Variants in HIRA observed in about 807,000 individuals in gnomAD.
HIRA encodes the protein protein HIRA.
Under a neutral mutation model 126.6 loss-of-function variants are expected in HIRA, and 13 were observed. The observed-to-expected ratio is 0.10, with a 90% CI of 0.07 to 0.16. The LOEUF is 0.16. HIRA is among the 10% of genes least tolerant of loss of function. HIRA has a pLI of 1.00. For synonymous variants in HIRA, 511 were observed against 520.0 expected (o/e 0.98, Z 0.24); for missense variants, 834 against 1,314.4 (o/e 0.63, Z 5.65).
chr22:19,429,704 T>C (rs572314764), intron 1 of HIRA, among the ~76,000 whole-genome samples: 8 of 152,338 alleles, frequency 5.3e-5, no homozygotes, highest in African/African-American at 1.9e-4. Flanking sequence ...GCATCTTGAC[T>C]TACTTATGTT....
intron 1 of HIRA, among the ~76,000 whole-genome samples, chr22:19,411,961 C>T (rs1489227690): frequency 6.6e-6 from 1 of 152,200 alleles, no homozygotes; most frequent in Non-Finnish European, 1.5e-5. Flanking sequence ...CTGTGGAGAG[C>T]CGCAGCCATG....
intron 9 of HIRA, among the ~76,000 whole-genome samples, chr22:19,389,656 T>C (rs1374591477): frequency 6.6e-6 from 1 of 152,088 alleles, no homozygotes; most frequent in Admixed American, 6.5e-5. Context: ...TAAATGTGCC[T>C]ACAGACCCCT....
chr22:19,419,449 T>C (rs1020255502), intron 1 of HIRA, among the ~76,000 whole-genome samples: 3 of 152,218 alleles, frequency 2.0e-5, no homozygotes, highest in Admixed American at 1.3e-4. Flanking sequence ...CTTTGCTCAA[T>C]GTCACCCTCA....
intron 15 of HIRA, among the ~76,000 whole-genome samples, chr22:19,375,093 G>A (rs2089005187): frequency 6.6e-6 from 1 of 152,204 alleles, no homozygotes; most frequent in Non-Finnish European, 1.5e-5. Flanking sequence ...TACAACCTGC[G>A]TGATGTCACA....
At chr22:19,420,447 C>CA (rs991071002) in intron 1 of HIRA, among the ~76,000 whole-genome samples, 7 of 18,812 alleles carry the variant, frequency 3.7e-4, no homozygotes, top group African/African-American at 2.5e-3. Flanking sequence ...GCCTGGGCAA[C>CA]AAAAAAAACT....
At chr22:19,425,661 T>C (rs1343158222) in intron 1 of HIRA, among the ~76,000 whole-genome samples, 2 of 152,186 alleles carry the variant, frequency 1.3e-5, no homozygotes, top group Non-Finnish European at 2.9e-5. Context: ...CCTTCATCCA[T>C]ATTCTTTCTG....
At chr22:19,352,831 T>C (rs1460985991) in intron 23 of HIRA, among the ~76,000 whole-genome samples, 1 of 152,004 alleles carries the variant, frequency 6.6e-6, no homozygotes, top group Non-Finnish European at 1.5e-5. Context: ...GCTATTGGAG[T>C]CACTGTGAGG....
intron 24 of HIRA, among the ~76,000 whole-genome samples, chr22:19,347,947 C>G (rs1306652440): frequency 6.6e-6 from 1 of 152,004 alleles, no homozygotes; most frequent in Non-Finnish European, 1.5e-5. Context: ...TCAAAATAAA[C>G]AAACAAAACA....
At chr22:19,413,353 C>T (rs954236747) in intron 1 of HIRA, among the ~76,000 whole-genome samples, 3 of 152,086 alleles carry the variant, frequency 2.0e-5, no homozygotes, top group African/African-American at 7.2e-5. Context: ...GAATCTTTAG[C>T]CCTGCCACTT....
At position 19,345,982 on chromosome 22, in the gene HIRA, AC is replaced by A. The variant is rs565594377; in HGVS notation, c.2937+5375del. Among the ~76,000 whole-genome samples the A allele has an allele frequency of 3.9e-5, 6 of 152,350 alleles. No homozygotes were observed. The East Asian group carries it at 1.2e-3, about 29-fold the overall frequency. On this transcript the variant is annotated intron_variant, in intron 24 of 24. Transcript: ENST00000263208. ...AGTATATAAAGAGCTCCTATAATAT[AC>A]ATAGAGTTCCTACAAACCATTGAGA...
rs114837803 is a variant in HIRA at position 19,369,592 on chromosome 22, C to T, written c.1775+6039G>A. 3.5e-3 allele frequency among the ~76,000 whole-genome samples: 532 copies of T among 152,196 alleles called. 3 individuals are homozygous for T. Among genetic ancestry groups the T allele is most frequent in the African/African-American group, 0.012 (517 of 41,524 alleles). On this transcript the variant is annotated intron_variant, in intron 15 of 24. Transcript: ENST00000263208. The stretch of plus-strand genomic sequence containing the variant: ...TGGGCCTAACTTGCAAGGTGTATTA[C>T]TTTGCGCACCACCCCTAACCACTGC...
At chr22:19,365,880 A>C (rs2088907639) in intron 15 of HIRA, 1 of 152,186 alleles carries the variant, frequency 6.6e-6, no homozygotes, top group South Asian at 2.1e-4. Context: ...GCATCAGTAT[A>C]GTGACCTTCT....
chr22:19,347,798 G>T (rs959645663), intron 24 of HIRA, among the ~76,000 whole-genome samples: 1 of 152,330 alleles, frequency 6.6e-6, no homozygotes, highest in Middle Eastern at 3.4e-3. Context: ...AATTAGCTGG[G>T]TGTAGTGGTG....
intron 24 of HIRA, among the ~76,000 whole-genome samples, chr22:19,333,356 T>C (rs782510788): frequency 4.6e-5 from 7 of 152,104 alleles, no homozygotes; most frequent in Non-Finnish European, 7.3e-5. Flanking sequence ...CTATCAACTT[T>C]ATGCTAAGAA....
In HIRA at chr22:19,385,679, G is replaced by A. The variant is rs1252832634; in HGVS notation, c.1171C>T (p.Leu391Phe). The A allele has an allele frequency of 7.4e-6, 12 of 1,614,084 alleles. No individual in the cohort carries two copies. Among genetic ancestry groups the A allele is most frequent in the Non-Finnish European group, 1.0e-5 (12 of 1,180,042 alleles). ...KSLAIMTEAQ[L>F]STAVIENPEM... ...GGGTTCTCAATGACGGCTGTGGAGA[G>A]CTGGGCCTCGGTCATGATGGCTAGG... Residue 391 changes from leucine (L) to phenylalanine (F), a missense_variant, in exon 12 of 25, where the codon CTC becomes TTC. Transcript: ENST00000263208.
At position 19,425,612 on chromosome 22, in the gene HIRA, TAGAGTA is replaced by T. The variant is rs573853476; in HGVS notation, c.37+5822_37+5827del. ...GTGAAAATAGTTTTCAACCACTTCT[TAGAGTA>T]AAACAAATGTTTAAGAAAATCCCAT... On this transcript the variant is annotated intron_variant, in intron 1 of 24. Coordinates refer to ENST00000263208, the MANE Select transcript of HIRA (RefSeq NM_003325.4). Among the ~76,000 whole-genome samples, 18 of 152,290 alleles carry T rather than the reference TAGAGTA, an allele frequency of 1.2e-4. No individual in the cohort carries two copies. In the East Asian group the frequency reaches 2.7e-3, roughly 23 times the overall value.
At chr22:19,352,570 T>C (rs896344557) in intron 23 of HIRA, among the ~76,000 whole-genome samples, 7 of 151,934 alleles carry the variant, frequency 4.6e-5, no homozygotes, top group Admixed American at 6.6e-5. Context: ...CACACACACA[T>C]ACACTCGTAT....
intron 14 of HIRA, among the ~76,000 whole-genome samples, chr22:19,377,538 C>T (rs1601829161): frequency 6.6e-6 from 1 of 151,924 alleles, no homozygotes; most frequent in Non-Finnish European, 1.5e-5. Context: ...AAGCTGAGGC[C>T]CCAGAAATGT....
chr22:19,419,586 T>C (rs1035998005), intron 1 of HIRA, among the ~76,000 whole-genome samples: 5 of 152,244 alleles, frequency 3.3e-5, no homozygotes, highest in African/African-American at 1.2e-4. Flanking sequence ...CTTTATTGTA[T>C]GTCTGTCTAC....
Sources: allele counts gnomAD v4.1 joint callset (sites outside exome capture counted in the v4.1 genomes callset), GRCh38; gene constraint gnomAD v4.1.1; transcripts MANE v1.5; gene names NCBI Gene and HGNC (gene_info 2026-07-23, HGNC 2026-07-21).